The following CDS1 variants were observed in gnomAD, a reference collection of about 807,000 sequenced individuals.
CDS1 encodes the protein phosphatidate cytidylyltransferase 1.
In CDS1, 41 loss-of-function variants were observed where a neutral mutation model predicts 62.1. The observed-to-expected ratio is 0.66, with a 90% confidence interval of 0.51 to 0.86. The LOEUF is 0.86. Ranked by LOEUF, CDS1 falls within the 40% of genes least tolerant of loss-of-function variation. The pLI, the probability that CDS1 is intolerant of heterozygous loss-of-function variation, is 0.00. For synonymous variants in CDS1, 185 were observed against 192.6 expected, an observed-to-expected ratio of 0.96 and a Z score of 0.32; for missense variants, 470 against 550.1, an observed-to-expected ratio of 0.85 and a Z score of 1.46.
intron 10 of CDS1, 104 bp downstream of exon 10, chr4:84,641,094 G>C (rs1724369480): frequency 2.6e-6 from 2 of 763,548 alleles, no homozygotes; most frequent in Non-Finnish European, 3.6e-6. Flanking sequence ...TTGTTGTTTT[G>C]AGACAGAGTT....
intron 1 of CDS1, among the ~76,000 whole-genome samples, chr4:84,603,329 A>G (rs887335143): frequency 1.3e-5 from 2 of 152,116 alleles, no homozygotes; most frequent in Non-Finnish European, 2.9e-5. Context: ...TCCCAGTTCA[A>G]CACCCTCACT....
chr4:84,584,732 A>G (rs1392343301), intron 1 of CDS1, among the ~76,000 whole-genome samples: 1 of 151,348 alleles, frequency 6.6e-6, no homozygotes, highest in Non-Finnish European at 1.5e-5. Context: ...AATCAATGGA[A>G]TCAATGTAGT....
At chr4:84,622,969 A>G (rs966558554) in intron 5 of CDS1, among the ~76,000 whole-genome samples, 1 of 152,122 alleles carries the variant, frequency 6.6e-6, no homozygotes, top group Non-Finnish European at 1.5e-5. Flanking sequence ...GAACTGCCTC[A>G]CCTTCTCTTT....
At chr4:84,599,405 C>CATATGTGT (rs1553902445) in intron 1 of CDS1, among the ~76,000 whole-genome samples, 5 of 24,698 alleles carry the variant, frequency 2.0e-4, no homozygotes, top group Admixed American at 5.7e-4. Flanking sequence ...CACACACACA[C>CATATGTGT]ATATATATAT....
chr4:84,643,282 A>T, intron 11 of CDS1, 139 bp downstream of exon 11: 2 of 691,536 alleles, frequency 2.9e-6, no homozygotes, highest in East Asian at 5.3e-5. Flanking sequence ...ACCCCACAGA[A>T]ATGCTGCCAC....
chr4:84,647,826 A>G (rs1412143966), intron 12 of CDS1, among the ~76,000 whole-genome samples: 1 of 152,180 alleles, frequency 6.6e-6, no homozygotes, highest in Non-Finnish European at 1.5e-5. Flanking sequence ...ACTTTCTATA[A>G]TTCAATGTGA....
intron 2 of CDS1, among the ~76,000 whole-genome samples, chr4:84,606,391 T>TA (rs575719598): frequency 1.2e-4 from 18 of 151,996 alleles, no homozygotes; most frequent in Non-Finnish European, 2.4e-4. Flanking sequence ...TTTTCTACCT[T>TA]ACTGTTTTAA....
intron 1 of CDS1, among the ~76,000 whole-genome samples, chr4:84,603,331 AC>A (rs1282491403): frequency 2.0e-5 from 3 of 152,008 alleles, no homozygotes; most frequent in African/African-American, 7.3e-5. Flanking sequence ...CCAGTTCAAC[AC>A]CCTCACTCCA....
At chr4:84,641,456 T>C (rs1394977976) in intron 10 of CDS1, among the ~76,000 whole-genome samples, 3 of 152,248 alleles carry the variant, frequency 2.0e-5, no homozygotes, top group Non-Finnish European at 4.4e-5. Context: ...GATATACCAG[T>C]GGTTTTAGTG....
intron 2 of CDS1, among the ~76,000 whole-genome samples, chr4:84,608,299 A>G (rs937109406): frequency 2.0e-5 from 3 of 152,106 alleles, no homozygotes; most frequent in Admixed American, 6.6e-5. Flanking sequence ...TCAGCCTCCC[A>G]AGTAGCTGGG....
chr4:84,604,159 A>G, intron 1 of CDS1, 84 bp from the exon 2 acceptor site: 1 of 1,126,366 alleles, frequency 8.9e-7, no homozygotes, highest in Non-Finnish European at 1.3e-6. Context: ...GAGATTTGAC[A>G]CACTGAGCAA....
At chr4:84,614,761 G>T (rs948874798) in intron 3 of CDS1, among the ~76,000 whole-genome samples, 1 of 152,210 alleles carries the variant, frequency 6.6e-6, no homozygotes, top group Non-Finnish European at 1.5e-5. Context: ...GCACTTCAGA[G>T]CATATACCCA....
rs74984405 is a variant in CDS1 at position 84,617,591 on chromosome 4, C to A, written c.370C>A (p.His124Asn). 88 of 1,590,390 alleles carry A rather than the reference C, an allele frequency of 5.5e-5. No homozygotes were observed. In the African/African-American group the frequency reaches 1.1e-3, roughly 20 times the overall value. Residue 124 changes from histidine (H) to asparagine (N), a missense_variant, in exon 4 of 13, where the codon CAT becomes AAT. Physicochemically the swap from His to Asn is moderately conservative, Grantham distance 68 (BLOSUM62 1). Around this residue, in one of 5 missense-constraint regions of CDS1, gnomAD observed 34 missense variants for 64.8 expected, o/e 0.52. Transcript: ENST00000295887. Reference sequence around the variant, plus strand: ...TCTGGGCATCCAAGTGAAATGCTTCCATGAAATTATCACTATAGGTTATAG... The same window carrying A: ...TCTGGGCATCCAAGTGAAATGCTTCAATGAAATTATCACTATAGGTTATAG... ...LVLGIQVKCFHEIITIGYRVY... is the reference protein window; with the variant it reads ...LVLGIQVKCFNEIITIGYRVY...
Position 84,583,329 on chromosome 4 carries a change from C to G in CDS1, c.-73C>G. ...GGCTGCGAGGTGGCGGGGCGCCCCG[C>G]CTGCAGAACCCTGCTTGCAGCTCAG... On this transcript the variant is annotated 5_prime_UTR_variant, in exon 1 of 13. Transcript: ENST00000295887. 2 of 1,128,484 alleles carry G rather than the reference C, an allele frequency of 1.8e-6. No individual in the cohort carries two copies. The highest frequency in any genetic ancestry group is 1.3e-6 in the Non-Finnish European group (1 of 775,660). The allele number at this position is 1,128,484 out of a possible 1,614,324, so 69.9% of individuals were successfully genotyped here. A position where few individuals can be genotyped will look rare whatever the true frequency, so the allele number is the denominator to read the frequency against.
chr4:84,620,219 GTTTTT>G, intron 5 of CDS1, among the ~76,000 whole-genome samples: 1 of 110,292 alleles, frequency 9.1e-6, no homozygotes, highest in African/African-American at 4.3e-5. Flanking sequence ...GTAATTAGTT[GTTTTT>G]TTTTTTTTTT....
At chr4:84,647,255 T>C (rs917480423) in intron 12 of CDS1, among the ~76,000 whole-genome samples, 2 of 152,204 alleles carry the variant, frequency 1.3e-5, no homozygotes, top group African/African-American at 4.8e-5. Flanking sequence ...CTATTTAACT[T>C]ATTTGCATAT....
At chr4:84,633,822 G>A (rs1724094920) in intron 6 of CDS1, 35 bp from the exon 7 acceptor site, 4 of 1,439,242 alleles carry the variant, frequency 2.8e-6, no homozygotes, top group Non-Finnish European at 3.8e-6. Flanking sequence ...GATCAGTTGT[G>A]TTCACTAATT....
At position 84,586,939 on chromosome 4, in the gene CDS1, T is replaced by C. The variant is rs144890438; in HGVS notation, c.117+3421T>C. Among the ~76,000 whole-genome samples the C allele has an allele frequency of 2.5e-3, 384 of 152,272 alleles. 1 individual carries two copies. Among genetic ancestry groups the C allele is most frequent in the African/African-American group, 8.6e-3 (356 of 41,538 alleles). ...TGTATGAAAGTCAAATGAGTAAAGA[T>C]GTTGAAGACAATGGGTAGGCCCTAG... On this transcript the variant is annotated intron_variant, in intron 1 of 12. Transcript: ENST00000295887.
At chr4:84,585,212 AT>A (rs543133559) in intron 1 of CDS1, among the ~76,000 whole-genome samples, 3 of 152,136 alleles carry the variant, frequency 2.0e-5, no homozygotes, top group Non-Finnish European at 4.4e-5. Context: ...CTCGCTGCAT[AT>A]TTATTTATTT....
Sources: allele counts gnomAD v4.1 joint callset (sites outside exome capture counted in the v4.1 genomes callset), GRCh38; gene constraint gnomAD v4.1.1; regional missense constraint gnomAD v4.1.1; transcripts MANE v1.5; gene names NCBI Gene and HGNC (gene_info 2026-07-23, HGNC 2026-07-21).